Variants in NRG4 observed in about 807,000 individuals in gnomAD.
NRG4 encodes pro-neuregulin-4, membrane-bound isoform.
In NRG4, 10 loss-of-function variants were observed where a neutral mutation model predicts 15.0. That is an observed-to-expected ratio of 0.67 (90% confidence interval 0.41 to 1.13). NRG4 has a LOEUF of 1.13. NRG4 is among the 50% of genes most tolerant of loss of function. The pLI is 0.00. For synonymous variants in NRG4, 41 were observed against 50.1 expected (o/e 0.82, Z 0.77); for missense variants, 139 against 140.2 (o/e 0.99, Z 0.04).
intron 3 of NRG4, among the ~76,000 whole-genome samples, chr15:75,999,236 G>A (rs1206273079): frequency 6.6e-6 from 1 of 152,124 alleles, no homozygotes; most frequent in Non-Finnish European, 1.5e-5. Flanking sequence ...GCCCTCACAG[G>A]GCTGACATTA....
At chr15:76,025,370 C>T (rs917608003) in intron 5 of NRG4, among the ~76,000 whole-genome samples, 4 of 151,926 alleles carry the variant, frequency 2.6e-5, no homozygotes, top group South Asian at 2.1e-4. Context: ...ACCCGGCAGG[C>T]GGAGCTTGCA....
At chr15:76,039,456 T>C (rs562583970) in intron 4 of NRG4, among the ~76,000 whole-genome samples, 3 of 152,184 alleles carry the variant, frequency 2.0e-5, no homozygotes, top group Admixed American at 2.0e-4. Context: ...ATTCTGAAGG[T>C]GAAAAATGCA....
chr15:75,969,219 C>A, intron 3 of NRG4: 1 of 456,176 alleles, frequency 2.2e-6, no homozygotes, highest in Non-Finnish European at 4.4e-6. Flanking sequence ...AGCATCAGTT[C>A]ACTTCCTGAC....
At chr15:75,961,386 A>C (rs566618951) in intron 4 of NRG4, among the ~76,000 whole-genome samples, 1 of 151,942 alleles carries the variant, frequency 6.6e-6, no homozygotes, top group African/African-American at 2.4e-5. Context: ...AAACATGTCT[A>C]TTTTGTTCAC....
rs1456289676 is a variant in NRG4, at chr15:75,973,809, G to T, written c.105-11835C>A. Among the ~76,000 whole-genome samples, 5 of 152,318 alleles carry T rather than the reference G, an allele frequency of 3.3e-5. No homozygotes were observed. The South Asian group carries it at 6.2e-4, about 19-fold the overall frequency. ...GATTTTCATATCGATGTTCATCAGG[G>T]ATACTGGCCTGAAATTTTCTTTTTT... On this transcript the variant is annotated intron_variant, in intron 3 of 5. Coordinates refer to ENST00000394907, the MANE Select transcript of NRG4 (RefSeq NM_138573.4).
rs367625160 is a variant in NRG4, at chr15:76,020,614, A to C, written c.-56-9328T>G. Among the ~76,000 whole-genome samples, 19 of 152,244 alleles carry C rather than the reference A, an allele frequency of 1.2e-4. No individual in the cohort carries two copies. In the East Asian group the frequency reaches 3.7e-3, roughly 29 times the overall value. ...CAATAGCTGATGAGAAAAAAAAATC[A>C]CAAAAAAATCTTATAATGTTTTAAG... On this transcript the variant is annotated intron_variant, in intron 5 of 8. Transcript: ENST00000563910.
chr15:76,040,869 G>C (rs2035719262), intron 4 of NRG4, among the ~76,000 whole-genome samples: 1 of 152,232 alleles, frequency 6.6e-6, no homozygotes, highest in East Asian at 1.9e-4. Context: ...AGGTTGAAGT[G>C]AGCTGAGATT....
At chr15:75,982,628 T>C (rs900497586) in intron 3 of NRG4, among the ~76,000 whole-genome samples, 4 of 152,252 alleles carry the variant, frequency 2.6e-5, no homozygotes, top group African/African-American at 9.6e-5. Context: ...GTCACGCTAG[T>C]TTGGAGGAAG....
At chr15:76,046,206 A>G (rs1299259454) in intron 4 of NRG4, among the ~76,000 whole-genome samples, 1 of 151,192 alleles carries the variant, frequency 6.6e-6, no homozygotes, top group Admixed American at 6.6e-5. Context: ...TGAAGAGGAC[A>G]CGCACAAAAA....
chr15:75,968,585 T>TAAA (rs71140190), intron 3 of NRG4, among the ~76,000 whole-genome samples: 1,285 of 99,062 alleles, frequency 0.013, 34 homozygotes, highest in African/African-American at 0.047. Flanking sequence ...AAACTCCATC[T>TAAA]AAAAAAAAAA....
At chr15:76,058,572 C>T (rs2036212649) in intron 1 of NRG4, among the ~76,000 whole-genome samples, 2 of 152,068 alleles carry the variant, frequency 1.3e-5, no homozygotes, top group African/African-American at 4.8e-5. Context: ...AAAAAAGCTA[C>T]GGCAGGAAGA....
chr15:75,964,714 C>A (rs2032704199), intron 3 of NRG4, among the ~76,000 whole-genome samples: 1 of 151,536 alleles, frequency 6.6e-6, no homozygotes, highest in Admixed American at 6.6e-5. Flanking sequence ...TGGCTTGAGC[C>A]CAGGAGTTTG....
chr15:75,992,736 C>T (rs2034064907), intron 3 of NRG4, among the ~76,000 whole-genome samples: 1 of 151,966 alleles, frequency 6.6e-6, no homozygotes, highest in Admixed American at 6.5e-5. Context: ...ATGTGTAATA[C>T]ATTTAAAATG....
chr15:75,953,661 T>C (rs1310642559), intron 5 of NRG4, among the ~76,000 whole-genome samples: 1 of 152,242 alleles, frequency 6.6e-6, no homozygotes, highest in African/African-American at 2.4e-5. Flanking sequence ...TTTTTCTAGC[T>C]GCCTTTAAGA....
intron 5 of NRG4, among the ~76,000 whole-genome samples, chr15:76,029,618 A>G (rs1172729287): frequency 6.6e-6 from 1 of 152,210 alleles, no homozygotes; most frequent in East Asian, 1.9e-4. Flanking sequence ...CATCAGCAGT[A>G]TTTCTGTACA....
chr15:75,936,982 A>G (rs542585579), downstream of NRG4: 1 of 152,336 alleles, frequency 6.6e-6, no homozygotes, highest in East Asian at 1.9e-4. Flanking sequence ...GAAAGAAAAT[A>G]TATTTATTAA....
At chr15:76,057,037 T>C (rs1006204546) in intron 1 of NRG4, 1 of 152,226 alleles carries the variant, frequency 6.6e-6, no homozygotes, top group Non-Finnish European at 1.5e-5. Flanking sequence ...GGAAGTGATA[T>C]ACCAAGCTTA....
chr15:75,984,246 G>T (rs1449134129), intron 3 of NRG4, among the ~76,000 whole-genome samples: 1 of 152,128 alleles, frequency 6.6e-6, no homozygotes, highest in African/African-American at 2.4e-5. Flanking sequence ...TACCATTCTG[G>T]TTGGTGGTGT....
chr15:76,050,848 C>A lies in NRG4; in HGVS notation c.-105+1219G>T, dbSNP rs956076005. On this transcript the variant is annotated intron_variant, in intron 4 of 8. Transcript: ENST00000563910. ...AGATATGGGGTCTCAGTCTGTCACC[C>A]AGACTGTGGCGCAATGGTTTGATCA... Among the ~76,000 whole-genome samples, 25 of 148,872 alleles carry A rather than the reference C, an allele frequency of 1.7e-4. 2 individuals carry two copies. The highest frequency in any genetic ancestry group is 3.0e-4 in the Non-Finnish European group (20 of 67,468).
Sources: allele counts gnomAD v4.1 joint callset (sites outside exome capture counted in the v4.1 genomes callset), GRCh38; gene constraint gnomAD v4.1.1; transcripts MANE v1.5; gene names NCBI Gene and HGNC (gene_info 2026-07-23, HGNC 2026-07-21).